NEURL1B: variants seen among roughly 807,000 people sequenced by gnomAD.
NEURL1B encodes neuralized E3 ubiquitin protein ligase 1B, also known as E3 ubiquitin-protein ligase NEURL1B.
Under a neutral mutation model 37.4 loss-of-function variants are expected in NEURL1B, and 13 were observed. The observed-to-expected ratio is 0.35, with a 90% CI of 0.23 to 0.55. NEURL1B has a LOEUF of 0.55. NEURL1B is among the 20% of genes least tolerant of loss of function. NEURL1B has a pLI of 0.89. For missense variants in NEURL1B, 790 were observed against 879.2 expected (o/e 0.90, Z 1.28); for synonymous variants, 432 against 426.6 (o/e 1.01, Z -0.16).
chr5:172,659,327 T>C (rs1757853148), intron 1 of NEURL1B, among the ~76,000 whole-genome samples: 1 of 151,992 alleles, frequency 6.6e-6, no homozygotes, highest in Non-Finnish European at 1.5e-5. Flanking sequence ...GGGGCTGAAG[T>C]TGGGAGCAGC....
chr5:172,656,115 G>A (rs1757772061), intron 1 of NEURL1B, among the ~76,000 whole-genome samples: 1 of 152,176 alleles, frequency 6.6e-6, no homozygotes, highest in East Asian at 1.9e-4. Context: ...AGACTGTGCA[G>A]GTTAAACTAA....
chr5:172,687,222 C>A lies in NEURL1B; in HGVS notation c.*297C>A. 4.3e-6 allele frequency: 1 copy of A among 234,070 alleles called. No homozygotes were observed. Among genetic ancestry groups the A allele is most frequent in the Non-Finnish European group, 8.5e-6 (1 of 117,434 alleles). 14.5% of individuals were successfully genotyped at this position (234,070 alleles called of 1,614,324 possible). On this transcript the variant is annotated 3_prime_UTR_variant, in exon 5 of 5. Coordinates refer to ENST00000369800, the MANE Select transcript of NEURL1B (RefSeq NM_001142651.3). Reference sequence around the variant, plus strand: ...TGGGAAACAGCGTCCTCTGTCTGTGCAATGCTTCTTGCTGGGGTTGGGTTG... The same window carrying A: ...TGGGAAACAGCGTCCTCTGTCTGTGAAATGCTTCTTGCTGGGGTTGGGTTG...
Position 172,687,890 on chromosome 5 carries a change from C to T in NEURL1B, c.*965C>T, listed in dbSNP as rs1758545532. On this transcript the variant is annotated 3_prime_UTR_variant, in exon 5 of 5. Transcript: ENST00000369800. ...TACCTTCCTGTGGTGGCCCCTGGGC[C>T]TGGCATTCCCAGGGGACCTGCTGGC... 1 of 152,254 alleles carries T rather than the reference C, an allele frequency of 6.6e-6. No homozygotes were observed. Among genetic ancestry groups the T allele is most frequent in the Non-Finnish European group, 1.5e-5 (1 of 68,042 alleles). 9.4% of individuals were successfully genotyped at this position (152,254 alleles called of 1,614,324 possible).
Position 172,683,351 on chromosome 5 carries a change from A to G in NEURL1B, c.578-68A>G. On this transcript the variant is annotated intron_variant, in intron 2 of 4. Coordinates refer to ENST00000369800, the MANE Select transcript of NEURL1B (RefSeq NM_001142651.3). This position sits in a 1 kb window ranked among gnomAD's most constrained non-coding sequence, Gnocchi z 5.6. ...GGAGGCCTGCAGGAGGCAGCGGGCGAGGAGGGGCTCGCGACCAGCCTGACG... is the reference window on the plus strand; with the variant it reads ...GGAGGCCTGCAGGAGGCAGCGGGCGGGGAGGGGCTCGCGACCAGCCTGACG... The G allele has an allele frequency of 7.9e-7, 1 of 1,262,672 alleles. No individual in the cohort carries two copies. Among genetic ancestry groups the G allele is most frequent in the Non-Finnish European group, 1.0e-6 (1 of 1,001,166 alleles). 78.2% of individuals were successfully genotyped at this position (1,262,672 alleles called of 1,614,324 possible).
intron 1 of NEURL1B, among the ~76,000 whole-genome samples, chr5:172,644,943 G>C (rs1042212562): frequency 2.6e-5 from 4 of 152,124 alleles, no homozygotes; most frequent in African/African-American, 9.7e-5. Flanking sequence ...CTTCCTTCTC[G>C]CCTCTTGGGC....
At chr5:172,670,430 T>A (rs1758101133) in intron 2 of NEURL1B, 100 bp downstream of exon 2, 1 of 978,444 alleles carries the variant, frequency 1.0e-6, no homozygotes, top group South Asian at 3.6e-5. Context: ...GGAGAGCTCC[T>A]TTTGCCAGGC....
At chr5:172,656,810 C>T in intron 1 of NEURL1B, 1 of 653,876 alleles carries the variant, frequency 1.5e-6, no homozygotes, top group Admixed American at 2.4e-5. Context: ...AAATTTAAAA[C>T]TCCTAACAAC....
intron 1 of NEURL1B, among the ~76,000 whole-genome samples, chr5:172,667,086 G>A (rs1758029561): frequency 6.6e-6 from 1 of 151,774 alleles, no homozygotes; most frequent in African/African-American, 2.4e-5. Flanking sequence ...TCTACTACTG[G>A]TATCTCCCTA....
At position 172,647,775 on chromosome 5, in the gene NEURL1B, A is replaced by G. The variant is rs773981419; in HGVS notation, c.31+6338A>G. Reference sequence around the variant, plus strand: ...CAAAAGCTGGATGTGGCCTCTGGGAATCTTGCCTGAGAGGAGACGGGGTGA... The same window carrying G: ...CAAAAGCTGGATGTGGCCTCTGGGAGTCTTGCCTGAGAGGAGACGGGGTGA... On this transcript the variant is annotated intron_variant, in intron 1 of 4. Coordinates refer to ENST00000369800, the MANE Select transcript of NEURL1B (RefSeq NM_001142651.3). This position sits in a 1 kb window ranked among gnomAD's most constrained non-coding sequence, Gnocchi z 4.2. Among the ~76,000 whole-genome samples the G allele has an allele frequency of 2.0e-5, 3 of 152,018 alleles. No homozygotes were observed. The highest frequency in any genetic ancestry group is 2.9e-5 in the Non-Finnish European group (2 of 67,984).
intron 1 of NEURL1B, among the ~76,000 whole-genome samples, chr5:172,656,929 A>C (rs894379747): frequency 1.3e-5 from 2 of 152,312 alleles, no homozygotes; most frequent in East Asian, 3.9e-4. Flanking sequence ...ATCCAGCACA[A>C]GCTGGGAACT....
intron 2 of NEURL1B, among the ~76,000 whole-genome samples, chr5:172,674,270 G>T (rs1190027038): frequency 6.6e-6 from 1 of 152,162 alleles, no homozygotes; most frequent in Non-Finnish European, 1.5e-5. Context: ...TCGAGCCAAA[G>T]TCTCAGAAAT....
chr5:172,660,787 C>T (rs1757884663), intron 1 of NEURL1B, among the ~76,000 whole-genome samples: 1 of 152,134 alleles, frequency 6.6e-6, no homozygotes, highest in South Asian at 2.1e-4. Flanking sequence ...TTACAGATGC[C>T]CGCCACTACA....
intron 2 of NEURL1B, among the ~76,000 whole-genome samples, chr5:172,674,438 G>T (rs747750075): frequency 6.6e-6 from 1 of 152,070 alleles, no homozygotes; most frequent in South Asian, 2.1e-4. Flanking sequence ...CCAGAGTCCC[G>T]AGAAGGAAAG....
chr5:172,682,861 T>C (rs1758385811), intron 2 of NEURL1B, among the ~76,000 whole-genome samples: 1 of 152,214 alleles, frequency 6.6e-6, no homozygotes, highest in Non-Finnish European at 1.5e-5. Flanking sequence ...CCAACCCCTC[T>C]GTGCCTCAGT....
chr5:172,669,920 C>T lies in NEURL1B; in HGVS notation c.167C>T (p.Ser56Leu). The change falls in exon 2 of 5, where the codon TCG becomes TTG. Residue 56 changes from serine (S) to leucine (L), a missense_variant. This residue lies in a region of NEURL1B where 215 missense variants were observed against 309.2 expected (regional missense o/e 0.70). Transcript: ENST00000369800. ...AAGAACGTGCGGCTGGACGGCCACT[C>T]GCGCCGGGCCACACGGCGCAACAGC... ...KGKNVRLDGH[S>L]RRATRRNSFC... The T allele has an allele frequency of 6.9e-7, 1 of 1,450,048 alleles. No individual in the cohort carries two copies. The highest frequency in any genetic ancestry group is 9.0e-7 in the Non-Finnish European group (1 of 1,106,550). 89.8% of individuals were successfully genotyped at this position (1,450,048 alleles called of 1,614,324 possible). A position where few individuals can be genotyped will look rare whatever the true frequency, so the allele number is the denominator to read the frequency against.
Position 172,684,121 on chromosome 5 carries a change from G to A in NEURL1B, c.1280G>A (p.Gly427Asp). The A allele has an allele frequency of 8.0e-7, 1 of 1,254,942 alleles. No individual in the cohort carries two copies. Among genetic ancestry groups the A allele is most frequent in the Non-Finnish European group, 1.0e-6 (1 of 999,526 alleles). 77.7% of individuals were successfully genotyped at this position (1,254,942 alleles called of 1,614,324 possible). The change falls in exon 3 of 5, where the codon GGC becomes GAC. Residue 427 changes from glycine to aspartate, a missense_variant. Physicochemically the swap from Gly to Asp is moderately conservative, Grantham distance 94 (BLOSUM62 -1). Coordinates refer to ENST00000369800, the MANE Select transcript of NEURL1B (RefSeq NM_001142651.3). ...AFFAVRGGVA[G>D]QLRLLGTLQS... ...TTCGCCGTGCGCGGCGGCGTCGCGGGCCAGCTGCGTCTCCTCGGTGAGTCC... is the reference window on the plus strand; with the variant it reads ...TTCGCCGTGCGCGGCGGCGTCGCGGACCAGCTGCGTCTCCTCGGTGAGTCC...
intron 1 of NEURL1B, among the ~76,000 whole-genome samples, chr5:172,653,980 A>G (rs1757716545): frequency 6.6e-6 from 1 of 152,142 alleles, no homozygotes; most frequent in Non-Finnish European, 1.5e-5. Context: ...TTTTACATAA[A>G]TTCTCCCCCA....
chr5:172,668,233 AGTGCCTGGCATG>A (rs544913725), intron 1 of NEURL1B, among the ~76,000 whole-genome samples: 5 of 152,210 alleles, frequency 3.3e-5, no homozygotes, highest in African/African-American at 9.6e-5. Flanking sequence ...CTGTATTCCC[AGTGCCTGGCATG>A]GTGCCTGGCA....
In NEURL1B at chr5:172,663,588, G is replaced by A. The variant is rs554172275; in HGVS notation, c.32-6197G>A. On this transcript the variant is annotated intron_variant, in intron 1 of 4. Coordinates refer to ENST00000369800, the MANE Select transcript of NEURL1B (RefSeq NM_001142651.3). ...GCTGTCCCTTCTCCCTTCTATGAAC[G>A]AGAAGGGCAACTGCAAAGGTCTCCA... Among the ~76,000 whole-genome samples the A allele has an allele frequency of 5.4e-5, 8 of 149,382 alleles. No individual in the cohort carries two copies. The East Asian group carries it at 9.9e-4, about 18-fold the overall frequency.
Sources: allele counts gnomAD v4.1 joint callset (sites outside exome capture counted in the v4.1 genomes callset), GRCh38; gene constraint gnomAD v4.1.1; regional missense constraint gnomAD v4.1.1; non-coding constraint Gnocchi (gnomAD v3.1); transcripts MANE v1.5; gene names NCBI Gene and HGNC (gene_info 2026-07-23, HGNC 2026-07-21).